The following DSCAM variants were observed in gnomAD, a reference collection of about 807,000 sequenced individuals.
DSCAM encodes DS cell adhesion molecule.
Under a neutral mutation model 217.7 loss-of-function variants are expected in DSCAM, and 47 were observed. The observed-to-expected ratio is 0.22, with a 90% CI of 0.17 to 0.28. DSCAM has a LOEUF of 0.28. DSCAM is among the 10% of genes least tolerant of loss of function. The pLI is 1.00. For synonymous variants in DSCAM, 1,056 were observed against 1,015.3 expected (o/e 1.04, Z -0.76); for missense variants, 2,080 against 2,618.3 (o/e 0.79, Z 4.49).
intron 32 of DSCAM, among the ~76,000 whole-genome samples, chr21:40,024,683 G>T (rs1601238327): frequency 1.4e-5 from 1 of 72,812 alleles, no homozygotes; most frequent in Non-Finnish European, 2.9e-5. Context: ...TCTGTTATTG[G>T]TGTATAAGAA....
chr21:40,496,433 A>C (rs1260713781), intron 3 of DSCAM, among the ~76,000 whole-genome samples: 1 of 152,200 alleles, frequency 6.6e-6, no homozygotes. Flanking sequence ...GGAAAGAACA[A>C]TCTTAAATAA....
rs761177151 is a variant in DSCAM, at chr21:40,052,127, C to T, written c.5036-20G>A. ...GATCATCTACAGGATGGCAGGAACA[C>T]AGAAAGCCAAACACGTTTATCTCCC... On this transcript the variant is annotated intron_variant, in intron 29 of 32. Coordinates refer to ENST00000400454, the MANE Select transcript of DSCAM (RefSeq NM_001389.5). 66 of 1,612,172 alleles carry T rather than the reference C, an allele frequency of 4.1e-5. 1 individual carries two copies. The Admixed American group carries it at 1.1e-3, about 27-fold the overall frequency.
chr21:40,574,555 A>C (rs1568915094), intron 3 of DSCAM, among the ~76,000 whole-genome samples: 1 of 152,214 alleles, frequency 6.6e-6, no homozygotes, highest in Non-Finnish European at 1.5e-5. Flanking sequence ...CCTTAGGGTT[A>C]GGAACAAGGC....
At chr21:40,295,379 T>C (rs2073942779) in intron 10 of DSCAM, among the ~76,000 whole-genome samples, 1 of 152,190 alleles carries the variant, frequency 6.6e-6, no homozygotes, top group Non-Finnish European at 1.5e-5. Context: ...AAGTCTAACA[T>C]GATTCCACTC....
At chr21:40,083,852 T>C (rs2089495366) in intron 24 of DSCAM, 56 bp downstream of exon 24, 3 of 1,416,064 alleles carry the variant, frequency 2.1e-6, no homozygotes, top group South Asian at 1.3e-5. Flanking sequence ...GTGTCACTTA[T>C]TGGCATGTGG....
At chr21:40,336,362 T>C (rs2074430317) in intron 8 of DSCAM, among the ~76,000 whole-genome samples, 1 of 152,224 alleles carries the variant, frequency 6.6e-6, no homozygotes, top group African/African-American at 2.4e-5. Flanking sequence ...ATTGAATCTT[T>C]CAAGAAAGAA....
chr21:40,596,751 G>A (rs964278924), intron 3 of DSCAM, among the ~76,000 whole-genome samples: 2 of 151,948 alleles, frequency 1.3e-5, no homozygotes, highest in African/African-American at 4.8e-5. Context: ...TAATTTTAAG[G>A]GAAACATAGA....
intron 16 of DSCAM, among the ~76,000 whole-genome samples, chr21:40,152,374 T>G (rs1039353178): frequency 4.6e-5 from 7 of 152,242 alleles, no homozygotes; most frequent in African/African-American, 1.7e-4. Context: ...GTTAGGTTTC[T>G]CACACAAAGA....
At chr21:40,362,824 GTAAGTA>G (rs2074782541) in intron 4 of DSCAM, among the ~76,000 whole-genome samples, 2 of 152,036 alleles carry the variant, frequency 1.3e-5, no homozygotes, top group African/African-American at 4.8e-5. Context: ...GTGTGCATAT[GTAAGTA>G]TATATGTACA....
intron 3 of DSCAM, among the ~76,000 whole-genome samples, chr21:40,621,785 G>A (rs1271057143): frequency 6.6e-6 from 1 of 151,558 alleles, no homozygotes; most frequent in African/African-American, 2.4e-5. Context: ...ATCCAATTGA[G>A]CTGTTAAGAA....
chr21:40,525,050 T>A (rs2076390105), intron 3 of DSCAM, among the ~76,000 whole-genome samples: 1 of 149,198 alleles, frequency 6.7e-6, no homozygotes, highest in Admixed American at 6.7e-5. Flanking sequence ...CAGAAGACTG[T>A]GAAATTCAAA....
chr21:40,585,440 A>AAAAG (rs1568922560), intron 3 of DSCAM, among the ~76,000 whole-genome samples: 1 of 79,482 alleles, frequency 1.3e-5, no homozygotes. Flanking sequence ...AAAAAAAAAA[A>AAAAG]AAAGAAAAAT....
intron 1 of DSCAM, among the ~76,000 whole-genome samples, chr21:40,733,872 G>T (rs182261867): frequency 6.6e-6 from 1 of 152,202 alleles, no homozygotes; most frequent in African/African-American, 2.4e-5. Context: ...GCTGCCACCC[G>T]TCAGCACCAC....
chr21:40,234,308 T>C (rs1170019465), intron 11 of DSCAM, among the ~76,000 whole-genome samples: 1 of 152,220 alleles, frequency 6.6e-6, no homozygotes, highest in Non-Finnish European at 1.5e-5. Flanking sequence ...TCTGCAACTT[T>C]GGACAAGTAG....
intron 1 of DSCAM, among the ~76,000 whole-genome samples, chr21:40,759,458 G>T (rs979238575): frequency 2.0e-5 from 3 of 152,154 alleles, no homozygotes; most frequent in African/African-American, 7.2e-5. Flanking sequence ...TCTTTAAAGT[G>T]CACGTGACTC....
At chr21:40,394,363 G>A (rs533017639) in intron 3 of DSCAM, among the ~76,000 whole-genome samples, 1 of 152,362 alleles carries the variant, frequency 6.6e-6, no homozygotes, top group South Asian at 2.1e-4. Context: ...ATCTAGGCTT[G>A]CCTGACTCCC....
chr21:40,617,119 C>CTT (rs1178735630), intron 3 of DSCAM, among the ~76,000 whole-genome samples: 2,223 of 112,634 alleles, frequency 0.02, 113 homozygotes, highest in African/African-American at 0.073. Flanking sequence ...CAGAACCAGT[C>CTT]TTTTTTTTTT....
chr21:40,512,010 A>AAAAAAT lies in DSCAM; in HGVS notation c.509-142766_509-142765insATTTTT, dbSNP rs61560593. Among the ~76,000 whole-genome samples the AAAAAAT allele has an allele frequency of 3.5e-4, 37 of 106,414 alleles. 6 individuals carry two copies. Among genetic ancestry groups the AAAAAAT allele is most frequent in the East Asian group, 1.0e-3 (4 of 3,874 alleles). 69.8% of individuals were successfully genotyped at this position (106,414 alleles called of 152,430 possible). A position where few individuals can be genotyped will look rare whatever the true frequency, so the allele number is the denominator to read the frequency against. On this transcript the variant is annotated intron_variant, in intron 3 of 32. Transcript: ENST00000400454. ...TGTCTCAAAAAAAAAAAAAAAAAAA[A>AAAAAAT]GTATTCTATTTGAGGTCTTGCTTTT...
In DSCAM at chr21:40,669,807, G is replaced by T. The variant is rs140507056; in HGVS notation, c.508+23003C>A. On this transcript the variant is annotated intron_variant, in intron 3 of 32. Transcript: ENST00000400454. ...TTGGCAGGGCTCATCTCGAACTCAG[G>T]TAATCTGCCCGCCTAGGCCTCCCAA... is the stretch of plus-strand genomic sequence containing the variant. 2.9e-3 allele frequency among the ~76,000 whole-genome samples: 445 copies of T among 152,112 alleles called. 1 individual carries two copies. The highest frequency in any genetic ancestry group is 0.01 in the African/African-American group (420 of 41,508).
Sources: allele counts gnomAD v4.1 joint callset (sites outside exome capture counted in the v4.1 genomes callset), GRCh38; gene constraint gnomAD v4.1.1; transcripts MANE v1.5; gene names NCBI Gene and HGNC (gene_info 2026-07-23, HGNC 2026-07-21).